The following HMCN1 variants were observed in gnomAD, a reference collection of about 807,000 sequenced individuals.
HMCN1 encodes the protein hemicentin 1.
In HMCN1, 321 loss-of-function variants were observed where a neutral mutation model predicts 625.9. The observed-to-expected ratio is 0.51, with a 90% CI of 0.47 to 0.56. The LOEUF (loss-of-function observed/expected upper bound fraction) is 0.56. HMCN1 is among the 20% of genes least tolerant of loss of function. The probability of loss-of-function intolerance (pLI) is 0.00; values close to 1 mark genes in which losing one functional copy is unlikely to be tolerated. For missense variants in HMCN1, 6,588 were observed against 6,887.3 expected (o/e 0.96, Z 1.54); for synonymous variants, 2,425 against 2,417.6 (o/e 1.00, Z -0.09).
chr1:186,127,457 G>C (rs1051053893), intron 82 of HMCN1, among the ~76,000 whole-genome samples: 7 of 152,070 alleles, frequency 4.6e-5, no homozygotes, highest in Non-Finnish European at 1.0e-4. Context: ...TAATGTTGAG[G>C]AGAAGCCCCA....
In HMCN1 at chr1:185,978,001, T is replaced by C; in HGVS notation, c.2566+20T>C. ...TTTTAAGTAGGTTGAAGGAAATATA[T>C]TTTGTACGAATATGTACTTTTATGT... On this transcript the variant is annotated intron_variant, in intron 16 of 106. Transcript: ENST00000271588. 6.5e-7 allele frequency: 1 copy of C among 1,540,652 alleles called. No individual in the cohort carries two copies. Among genetic ancestry groups the C allele is most frequent in the Non-Finnish European group, 9.0e-7 (1 of 1,114,180 alleles).
intron 30 of HMCN1, among the ~76,000 whole-genome samples, chr1:186,013,714 A>G (rs574025513): frequency 6.6e-6 from 1 of 152,134 alleles, no homozygotes; most frequent in South Asian, 2.1e-4. Context: ...ATAAAATAAT[A>G]AAATAAAATA....
At chr1:186,087,188 T>C in intron 58 of HMCN1, 29 bp from the exon 59 acceptor site, 3 of 1,394,748 alleles carry the variant, frequency 2.2e-6, no homozygotes, top group Non-Finnish European at 3.1e-6. Context: ...TGTATACCAC[T>C]CTACAATTTG....
At chr1:186,000,542 GGTGTGTGTGTGTGTGTATGTGTGTGT>G (rs1166759486) in intron 26 of HMCN1, among the ~76,000 whole-genome samples, 3 of 127,150 alleles carry the variant, frequency 2.4e-5, no homozygotes, top group African/African-American at 1.0e-4. Flanking sequence ...CAGCGTGTAG[GGTGTGTGTGTGTGTGTATGTGTGTGT>G]GTGTGTGTGT....
At chr1:185,947,422 C>T (rs1668403125) in intron 11 of HMCN1, among the ~76,000 whole-genome samples, 1 of 152,154 alleles carries the variant, frequency 6.6e-6, no homozygotes, top group Admixed American at 6.5e-5. Context: ...CAGCTCTAGT[C>T]TTCTATACAA....
At chr1:186,126,155 G>A (rs1034627563) in intron 82 of HMCN1, among the ~76,000 whole-genome samples, 34 of 151,830 alleles carry the variant, frequency 2.2e-4, no homozygotes, top group Admixed American at 6.6e-5. Flanking sequence ...ATTCTTTAGT[G>A]CTTCAAGGGG....
Position 186,160,056 on chromosome 1 carries a change from T to A in HMCN1, c.15257-5055T>A, listed in dbSNP as rs557970106. ...GCTGTGAATCCATCTGGTCCTGGAC[T>A]CTTTTTGGTTGGTAAGCTATTGATT... On this transcript the variant is annotated intron_variant, in intron 97 of 106. Transcript: ENST00000271588. Among the ~76,000 whole-genome samples the A allele has an allele frequency of 7.2e-3, 1,089 of 151,566 alleles. 14 individuals are homozygous for A. Among genetic ancestry groups the A allele is most frequent in the African/African-American group, 0.024 (975 of 41,200 alleles).
chr1:185,931,005 T>A (rs1204754436), intron 10 of HMCN1, among the ~76,000 whole-genome samples: 1 of 151,974 alleles, frequency 6.6e-6, no homozygotes, highest in Non-Finnish European at 1.5e-5. Context: ...CAAGGGCATG[T>A]CAGTGACAGG....
At chr1:185,902,405 C>CTATCTCTATCTATCTATCTA (rs903275348) in intron 4 of HMCN1, among the ~76,000 whole-genome samples, 3 of 145,358 alleles carry the variant, frequency 2.1e-5, no homozygotes, top group African/African-American at 7.8e-5. Flanking sequence ...ATCTATCTAT[C>CTATCTCTATCTATCTATCTA]TCTATCTATC....
chr1:186,117,924 G>A (rs1226712355), intron 77 of HMCN1, among the ~76,000 whole-genome samples: 3 of 152,186 alleles, frequency 2.0e-5, no homozygotes, highest in Admixed American at 6.5e-5. Flanking sequence ...ACAAATTCCC[G>A]AGTTACCTGT....
intron 50 of HMCN1, among the ~76,000 whole-genome samples, chr1:186,069,080 T>C (rs1658322224): frequency 6.6e-6 from 1 of 152,156 alleles, no homozygotes; most frequent in Non-Finnish European, 1.5e-5. Context: ...GGCCTAGCCC[T>C]GCGCAATAGA....
chr1:186,144,388 CTATCT>C (rs778443856), intron 90 of HMCN1, 45 bp downstream of exon 90: 11 of 1,602,782 alleles, frequency 6.9e-6, no homozygotes, highest in Non-Finnish European at 8.5e-6. Context: ...TAACATCTAC[CTATCT>C]TATCTAGGTA....
Position 186,088,214 on chromosome 1 carries a change from C to T in HMCN1, c.9515C>T (p.Thr3172Ile), listed in dbSNP as rs1659632745. The T allele has an allele frequency of 1.2e-6, 2 of 1,612,898 alleles. No homozygotes were observed. Among genetic ancestry groups the T allele is most frequent in the Non-Finnish European group, 1.7e-6 (2 of 1,179,340 alleles). The change falls in exon 62 of 107, where the codon ACA becomes ATA. Residue 3172 changes from threonine (T) to isoleucine (I), a missense_variant. This residue lies in a region of HMCN1 where 4,628 missense variants were observed against 4,853.1 expected (regional missense o/e 0.95). Coordinates refer to ENST00000271588, the MANE Select transcript of HMCN1 (RefSeq NM_031935.3). ...VETISNPVTL[T>I]CDATGIPPPT... ...ACGATCAGCAATCCTGTGACATTAA[C>T]ATGTGATGCCACTGGGATCCCACCT...
At chr1:186,084,106 A>G (rs1242303192) in intron 57 of HMCN1, among the ~76,000 whole-genome samples, 1 of 152,092 alleles carries the variant, frequency 6.6e-6, no homozygotes, top group Non-Finnish European at 1.5e-5. Context: ...AAATACCCCA[A>G]TTGTAGCAGT....
chr1:185,917,006 G>A (rs1185966023), intron 6 of HMCN1, among the ~76,000 whole-genome samples: 2 of 152,094 alleles, frequency 1.3e-5, no homozygotes, highest in Non-Finnish European at 2.9e-5. Flanking sequence ...TACCCAGTAG[G>A]CAAGCTGTTA....
intron 97 of HMCN1, among the ~76,000 whole-genome samples, chr1:186,161,116 C>T (rs1346216050): frequency 6.6e-6 from 1 of 151,804 alleles, no homozygotes; most frequent in African/African-American, 2.4e-5. Context: ...GTATTGGGTG[C>T]ATATATATTT....
At position 185,993,251 on chromosome 1, in the gene HMCN1, TTG is replaced by T; in HGVS notation, c.3451_3452del (p.Val1151CysfsTer27). 1 of 1,613,266 alleles carries T rather than the reference TTG, an allele frequency of 6.2e-7. No individual in the cohort carries two copies. The highest frequency in any genetic ancestry group is 8.5e-7 in the Non-Finnish European group (1 of 1,179,308). ...TRTSDSGMYL[C>X]VATNIAGNVT... is the part of the protein sequence containing the mutation. ...GCACTTCAGATAGTGGGATGTATCTTTGTGTTGCCACAAATATTGCTGGGAAT... is the reference window on the plus strand; with the variant it reads ...GCACTTCAGATAGTGGGATGTATCTTTGTTGCCACAAATATTGCTGGGAAT... On this transcript the variant is annotated frameshift_variant, in exon 23 of 107. Transcript: ENST00000271588. LOFTEE classifies it high-confidence loss of function.
chr1:185,922,343 C>G (rs1171538669), intron 6 of HMCN1, 36 bp from the exon 7 acceptor site: 3 of 1,611,466 alleles, frequency 1.9e-6, no homozygotes, highest in Admixed American at 1.7e-5. Flanking sequence ...CATACTGGAT[C>G]AACTGCTGAC....
At chr1:186,045,298 C>A (rs770907943) in intron 40 of HMCN1, among the ~76,000 whole-genome samples, 2 of 152,054 alleles carry the variant, frequency 1.3e-5, no homozygotes, top group Non-Finnish European at 2.9e-5. Context: ...ACATTTATTT[C>A]TTTTGCAAAA....
Sources: allele counts gnomAD v4.1 joint callset (sites outside exome capture counted in the v4.1 genomes callset), GRCh38; gene constraint gnomAD v4.1.1; regional missense constraint gnomAD v4.1.1; transcripts MANE v1.5; gene names NCBI Gene and HGNC (gene_info 2026-07-23, HGNC 2026-07-21).